PTPRS: variants seen among roughly 807,000 people sequenced by gnomAD.
PTPRS encodes protein tyrosine phosphatase receptor type S.
Under a neutral mutation model 215.3 loss-of-function variants are expected in PTPRS, and 63 were observed. The ratio of observed to expected loss-of-function variants is 0.29; its 90% confidence interval spans 0.24 to 0.36. The LOEUF is 0.36. Among genes scored for constraint, PTPRS ranks in the 10% least tolerant of loss-of-function variants. PTPRS has a pLI of 1.00. For missense variants in PTPRS, 2,258 were observed against 2,825.8 expected, an observed-to-expected ratio of 0.80 and a Z score of 4.56; for synonymous variants, 1,404 against 1,191.4, an observed-to-expected ratio of 1.18 and a Z score of -3.68.
chr19:5,308,715 C>T (rs1381204774), intron 1 of PTPRS, among the ~76,000 whole-genome samples: 1 of 152,092 alleles, frequency 6.6e-6, no homozygotes, highest in African/African-American at 2.4e-5. Flanking sequence ...ACTGTGGGCT[C>T]CAGGCGGGGA....
Position 5,284,408 on chromosome 19 carries a change from TAAATAAATAAA to T in PTPRS, c.91+1631_91+1641del, listed in dbSNP as rs772371035. The stretch of plus-strand genomic sequence containing the variant: ...ATAAATAAATAAATAAATAAATAAA[TAAATAAATAAA>T]AATTAGCCAGGTCAGGCACAGTGGC... On this transcript the variant is annotated intron_variant, in intron 2 of 37. Coordinates refer to ENST00000262963, the MANE Select transcript of PTPRS (RefSeq NM_002850.4). Among the ~76,000 whole-genome samples, 1,285 of 132,576 alleles carry T rather than the reference TAAATAAATAAA, an allele frequency of 9.7e-3. 14 individuals carry two copies. The highest frequency in any genetic ancestry group is 0.013 in the African/African-American group (438 of 34,948). 87.0% of individuals were successfully genotyped at this position (132,576 alleles called of 152,430 possible).
At chr19:5,271,913 C>T (rs750680882) in intron 4 of PTPRS, among the ~76,000 whole-genome samples, 15 of 151,622 alleles carry the variant, frequency 9.9e-5, no homozygotes, top group Admixed American at 4.6e-4. Context: ...TTAGTAGAGA[C>T]GGGCTTTTAC....
chr19:5,331,791 T>C (rs1210628370), intron 1 of PTPRS, among the ~76,000 whole-genome samples: 5 of 152,224 alleles, frequency 3.3e-5, no homozygotes, highest in African/African-American at 4.8e-5. Context: ...GACAGCCGGC[T>C]TCCTTCTACG....
At chr19:5,217,047 C>T (rs1446157915) in intron 25 of PTPRS, among the ~76,000 whole-genome samples, 1 of 152,234 alleles carries the variant, frequency 6.6e-6, no homozygotes, top group East Asian at 1.9e-4. Context: ...CTCCCCCAGA[C>T]CAGCCTGGCC....
Position 5,258,008 on chromosome 19 carries a change from G to C in PTPRS, c.706+9C>G. ...TCCCTGCCTTTGACCTGGACGCGGC[G>C]TTCCCTACCTCGCACGTAGAGGTTG... On this transcript the variant is annotated intron_variant, in intron 8 of 37. Coordinates refer to ENST00000262963, the MANE Select transcript of PTPRS (RefSeq NM_002850.4). 1 of 1,611,024 alleles carries C rather than the reference G, an allele frequency of 6.2e-7. No individual in the cohort carries two copies. Among genetic ancestry groups the C allele is most frequent in the African/African-American group, 1.3e-5 (1 of 74,990 alleles).
chr19:5,229,390 G>A (rs772762390), intron 15 of PTPRS, 48 bp from the exon 16 acceptor site: 92 of 1,364,280 alleles, frequency 6.7e-5, no homozygotes, highest in Non-Finnish European at 8.6e-5. Context: ...AGGTGAGCGG[G>A]GGAGGCCAGA....
chr19:5,205,621 C>A lies in PTPRS; in HGVS notation c.*1153G>T, dbSNP rs2040305420. Among the ~76,000 whole-genome samples, 1 of 152,212 alleles carries A rather than the reference C, an allele frequency of 6.6e-6. No individual in the cohort carries two copies. Among genetic ancestry groups the A allele is most frequent in the South Asian group, 2.1e-4 (1 of 4,836 alleles). ...TGTTGAAAGTAACCGCAGACCTGCC[C>A]TTGTACAAAGAGGAACAACTCGCTT... On this transcript the variant is annotated 3_prime_UTR_variant, in exon 38 of 38. Coordinates refer to ENST00000262963, the MANE Select transcript of PTPRS (RefSeq NM_002850.4).
At chr19:5,309,246 G>C (rs1034698975) in intron 1 of PTPRS, among the ~76,000 whole-genome samples, 2 of 152,158 alleles carry the variant, frequency 1.3e-5, no homozygotes, top group African/African-American at 4.8e-5. Flanking sequence ...CCTTGGGCAA[G>C]TGCCTTAACC....
chr19:5,333,300 T>A (rs1300624602), intron 1 of PTPRS, among the ~76,000 whole-genome samples: 1 of 147,610 alleles, frequency 6.8e-6, no homozygotes, highest in South Asian at 2.2e-4. Context: ...GTGAAACCCA[T>A]CTCTACAAAA....
intron 11 of PTPRS, among the ~76,000 whole-genome samples, chr19:5,243,250 G>C (rs2044200523): frequency 6.6e-6 from 1 of 151,716 alleles, no homozygotes; most frequent in South Asian, 2.1e-4. Flanking sequence ...TCCTGCCTCA[G>C]CCTCCAGAGT....
Position 5,210,621 on chromosome 19 carries a change from A to T in PTPRS, c.5362-27T>A, listed in dbSNP as rs777508314. The T allele has an allele frequency of 6.2e-7, 1 of 1,614,150 alleles. No homozygotes were observed. The highest frequency in any genetic ancestry group is 8.5e-7 in the Non-Finnish European group (1 of 1,180,010). ...TGTGGAGGAGATGGCGGCCGTGGTC[A>T]GCGCTGTCTGAGCCACAGTCTGGCC... On this transcript the variant is annotated intron_variant, in intron 34 of 37. Coordinates refer to ENST00000262963, the MANE Select transcript of PTPRS (RefSeq NM_002850.4). This position sits in a 1 kb window ranked among gnomAD's most constrained non-coding sequence, Gnocchi z 4.5.
At chr19:5,311,068 C>T (rs913712587) in intron 1 of PTPRS, among the ~76,000 whole-genome samples, 3 of 152,094 alleles carry the variant, frequency 2.0e-5, no homozygotes, top group Non-Finnish European at 2.9e-5. Context: ...TAAGTAGAGA[C>T]GGGGTTTTAC....
In PTPRS at chr19:5,293,915, C is replaced by T. The variant is rs1175559212; in HGVS notation, c.-94-7681G>A. 6.6e-6 allele frequency among the ~76,000 whole-genome samples: 1 copy of T among 152,162 alleles called. No homozygotes were observed. The highest frequency in any genetic ancestry group is 1.5e-5 in the Non-Finnish European group (1 of 68,032). Reference sequence around the variant, plus strand: ...GGCCGCCGTGCCAGGCCCGCGACACCGGAGCAGAGGGAGAGGAGGAGGGAG... The same window carrying T: ...GGCCGCCGTGCCAGGCCCGCGACACTGGAGCAGAGGGAGAGGAGGAGGGAG... On this transcript the variant is annotated intron_variant, in intron 1 of 37. Transcript: ENST00000262963. This position sits in a 1 kb window ranked among gnomAD's most constrained non-coding sequence, Gnocchi z 8.4.
At chr19:5,309,225 G>A (rs539304091) in intron 1 of PTPRS, among the ~76,000 whole-genome samples, 1 of 152,250 alleles carries the variant, frequency 6.6e-6, no homozygotes, top group African/African-American at 2.4e-5. Flanking sequence ...CCTGTGCCAC[G>A]TGCTGTGTGG....
At chr19:5,331,468 G>A (rs1343650009) in intron 1 of PTPRS, among the ~76,000 whole-genome samples, 1 of 152,142 alleles carries the variant, frequency 6.6e-6, no homozygotes. Context: ...CAGTGTACAT[G>A]AGGGTGGGGT....
chr19:5,268,940 C>A (rs931734810), intron 4 of PTPRS, among the ~76,000 whole-genome samples: 1 of 152,188 alleles, frequency 6.6e-6, no homozygotes, highest in Non-Finnish European at 1.5e-5. Flanking sequence ...GCAGTTCAGG[C>A]CTCTTGTCCA....
Position 5,218,913 on chromosome 19 carries a change from GC to G in PTPRS, c.3924-116del, listed in dbSNP as rs1234343230. 5 of 1,122,600 alleles carry G rather than the reference GC, an allele frequency of 4.5e-6. No individual in the cohort carries two copies. In the African/African-American group the frequency reaches 7.9e-5, roughly 18 times the overall value. 69.5% of individuals were successfully genotyped at this position (1,122,600 alleles called of 1,614,324 possible). The stretch of plus-strand genomic sequence containing the variant: ...TCAGTGCCTTCCTTAACCTCTGTGA[GC>G]TTTGGTCTCCTCTGGAAAATGGTGC... On this transcript the variant is annotated intron_variant, in intron 23 of 37. Transcript: ENST00000262963.
rs10423858 is a variant in PTPRS, at chr19:5,210,875, C to T, written c.5235-70G>A. 2.2e-3 allele frequency: 3,412 copies of T among 1,559,404 alleles called. 63 individuals carry two copies. In the African/African-American group the frequency reaches 0.039, roughly 18 times the overall value. On this transcript the variant is annotated intron_variant, in intron 33 of 37. Transcript: ENST00000262963. This position sits in a 1 kb window ranked among gnomAD's most constrained non-coding sequence, Gnocchi z 4.5. Reference sequence around the variant, plus strand: ...GGCGTGGTACTCACCTGATGCTGCCCGGGAGGGTCAGGACCAAGCCAGTGA... The same window carrying T: ...GGCGTGGTACTCACCTGATGCTGCCTGGGAGGGTCAGGACCAAGCCAGTGA...
rs1464471883 is a variant in PTPRS at position 5,205,800 on chromosome 19, CGGGAGACG to C, written c.*966_*973del. ...AGGATCCTCTCTGTCTCCTTGGGGG[CGGGAGACG>C]GGGAGACAGCTCAGGCTCTCAGAGG... On this transcript the variant is annotated 3_prime_UTR_variant, in exon 38 of 38. Coordinates refer to ENST00000262963, the MANE Select transcript of PTPRS (RefSeq NM_002850.4). Among the ~76,000 whole-genome samples the C allele has an allele frequency of 2.6e-5, 4 of 151,938 alleles. No homozygotes were observed. Among genetic ancestry groups the C allele is most frequent in the African/African-American group, 7.2e-5 (3 of 41,382 alleles).
Sources: allele counts gnomAD v4.1 joint callset (sites outside exome capture counted in the v4.1 genomes callset), GRCh38; gene constraint gnomAD v4.1.1; non-coding constraint Gnocchi (gnomAD v3.1); transcripts MANE v1.5; gene names NCBI Gene and HGNC (gene_info 2026-07-23, HGNC 2026-07-21).